The following PPTC7 variants were observed in gnomAD, a reference collection of about 807,000 sequenced individuals.
PPTC7 encodes protein phosphatase targeting COQ7, also known as protein phosphatase PTC7 homolog.
In PPTC7, 6 loss-of-function variants were observed where a neutral mutation model predicts 30.8. The observed-to-expected ratio is 0.19, with a 90% confidence interval of 0.11 to 0.38. The LOEUF (loss-of-function observed/expected upper bound fraction) is 0.38. PPTC7 is among the 10% of genes least tolerant of loss of function. The pLI, the probability that PPTC7 is intolerant of heterozygous loss-of-function variation, is 1.00. For missense variants in PPTC7, 218 were observed against 404.8 expected, an observed-to-expected ratio of 0.54 and a Z score of 3.96; for synonymous variants, 163 against 168.1, an observed-to-expected ratio of 0.97 and a Z score of 0.23.
At position 110,572,992 on chromosome 12, in the gene PPTC7, G is replaced by A. The variant is rs944944291; in HGVS notation, c.223+9817C>T. On this transcript the variant is annotated intron_variant, in intron 1 of 5. Transcript: ENST00000354300. ...CCTCCCGGGTTCAAGTGATTCTCCTGCCTCAACCACCAGAGTAGCTGGGAT... is the reference window on the plus strand; with the variant it reads ...CCTCCCGGGTTCAAGTGATTCTCCTACCTCAACCACCAGAGTAGCTGGGAT... Among the ~76,000 whole-genome samples the A allele has an allele frequency of 3.9e-5, 6 of 152,082 alleles. No homozygotes were observed. The East Asian group carries it at 9.6e-4, about 24-fold the overall frequency.
chr12:110,536,066 G>C lies in PPTC7; in HGVS notation c.*971C>G, dbSNP rs1165869255. ...AAGCAAGGCTACTAATAAAAGGTCT[G>C]AGAGTACGAGTATGGGTAGGTAGCA... On this transcript the variant is annotated 3_prime_UTR_variant, in exon 6 of 6. Transcript: ENST00000354300. The C allele has an allele frequency of 6.6e-6, 1 of 152,300 alleles. No homozygotes were observed. 9.4% of individuals were successfully genotyped at this position (152,300 alleles called of 1,614,324 possible). A position where few individuals can be genotyped will look rare whatever the true frequency, so the allele number is the denominator to read the frequency against.
At chr12:110,538,397 G>C in intron 4 of PPTC7, 124 bp from the exon 5 acceptor site, 1 of 900,480 alleles carries the variant, frequency 1.1e-6, no homozygotes, top group Non-Finnish European at 1.7e-6. Flanking sequence ...TCATGCCCTG[G>C]CTAATATGAA....
intron 1 of PPTC7, among the ~76,000 whole-genome samples, chr12:110,564,913 C>T (rs1456411581): frequency 1.4e-5 from 2 of 140,572 alleles, no homozygotes; most frequent in Non-Finnish European, 3.0e-5. Flanking sequence ...TCACTTTTGT[C>T]GTCCAGGATG....
chr12:110,565,562 T>G lies in PPTC7; in HGVS notation c.224-13594A>C, dbSNP rs566947246. Among the ~76,000 whole-genome samples the G allele has an allele frequency of 2.6e-5, 4 of 152,338 alleles. 1 individual carries two copies. The South Asian group carries it at 8.3e-4, about 32-fold the overall frequency. ...GAGCCACCGTGCCTGGCCCATACTTTCCAATTTTTTAGCAATGAGTAATGT... is the reference window on the plus strand; with the variant it reads ...GAGCCACCGTGCCTGGCCCATACTTGCCAATTTTTTAGCAATGAGTAATGT... On this transcript the variant is annotated intron_variant, in intron 1 of 5. Transcript: ENST00000354300.
chr12:110,567,724 A>G (rs1487385872), intron 1 of PPTC7, among the ~76,000 whole-genome samples: 1 of 152,194 alleles, frequency 6.6e-6, no homozygotes, highest in Non-Finnish European at 1.5e-5. Flanking sequence ...TGTTTTTTAC[A>G]ACACTGCAAT....
At position 110,537,072 on chromosome 12, in the gene PPTC7, C is replaced by T. The variant is rs755870434; in HGVS notation, c.880G>A (p.Val294Ile). ...VRGGKPDDIT[V>I]LLSIVAEYTD is the part of the protein sequence containing the mutation. ...TACTCAGCCACTATTGAAAGAAGGA[C>T]GGTGATGTCATCTGGCTTTCCACCT... is the stretch of plus-strand genomic sequence containing the variant. The change falls in exon 6 of 6, where the codon GTC (valine) becomes ATC (isoleucine). Residue 294 changes from valine to isoleucine, a missense_variant. By Grantham distance (29) the Val-to-Ile change is conservative. Coordinates refer to ENST00000354300, the MANE Select transcript of PPTC7 (RefSeq NM_139283.2). 36 of 1,612,536 alleles carry T rather than the reference C, an allele frequency of 2.2e-5. No individual in the cohort carries two copies. The highest frequency in any genetic ancestry group is 2.7e-5 in the Non-Finnish European group (32 of 1,178,798).
At chr12:110,578,410 C>A (rs2064607049) in intron 1 of PPTC7, among the ~76,000 whole-genome samples, 1 of 152,144 alleles carries the variant, frequency 6.6e-6, no homozygotes, top group Admixed American at 6.5e-5. Context: ...AGAGAAAGCA[C>A]CTTTGACAAT....
chr12:110,551,892 C>T lies in PPTC7; in HGVS notation c.300G>A (p.Thr100=), dbSNP rs140610982. ...PSQFSGTLMR[T]CERLVKEGRF... Reference sequence around the variant, plus strand: ...GTCCTTCTTTTACTAAACGTTCACACGTCCGCATTAAAGTCCCTGAGAATT... The same window carrying T: ...GTCCTTCTTTTACTAAACGTTCACATGTCCGCATTAAAGTCCCTGAGAATT... The change falls in exon 2 of 6, where the codon ACG becomes ACA. Residue 100 remains threonine (T), a synonymous_variant. Coordinates refer to ENST00000354300, the MANE Select transcript of PPTC7 (RefSeq NM_139283.2). 108 of 1,614,074 alleles carry T rather than the reference C, an allele frequency of 6.7e-5. No homozygotes were observed. The Middle Eastern group carries it at 8.2e-4, about 12-fold the overall frequency.
Position 110,583,076 on chromosome 12 carries a change from G to C in PPTC7, c.-45C>G. The C allele has an allele frequency of 7.5e-7, 1 of 1,326,728 alleles. No homozygotes were observed. Among genetic ancestry groups the C allele is most frequent in the Non-Finnish European group, 9.6e-7 (1 of 1,041,266 alleles). The allele number at this position is 1,326,728 out of a possible 1,614,324, so 82.2% of individuals were successfully genotyped here. On this transcript the variant is annotated 5_prime_UTR_variant, in exon 1 of 6. Coordinates refer to ENST00000354300, the MANE Select transcript of PPTC7 (RefSeq NM_139283.2). ...AGGAGGCGGGGGGCCGGGGGAGCAGGAGGACGCGGAGGCCCGGAGCCGGCT... is the reference window on the plus strand; with the variant it reads ...AGGAGGCGGGGGGCCGGGGGAGCAGCAGGACGCGGAGGCCCGGAGCCGGCT...
At chr12:110,553,682 G>A (rs889238660) in intron 1 of PPTC7, among the ~76,000 whole-genome samples, 2 of 152,132 alleles carry the variant, frequency 1.3e-5, no homozygotes, top group East Asian at 1.9e-4. Flanking sequence ...AGGAGGCTGA[G>A]GCGGGAGGAC....
rs773175554 is a variant in PPTC7, at chr12:110,536,267, A to G, written c.*770T>C. The G allele has an allele frequency of 2.6e-5, 4 of 152,214 alleles. No homozygotes were observed. Among genetic ancestry groups the G allele is most frequent in the Non-Finnish European group, 5.9e-5 (4 of 68,034 alleles). 9.4% of individuals were successfully genotyped at this position (152,214 alleles called of 1,614,324 possible). On this transcript the variant is annotated 3_prime_UTR_variant, in exon 6 of 6. Transcript: ENST00000354300. ...TTTTACAACCTTGAGTATTATTTCC[A>G]TAAAAAAATACTGGTAAAGTGTCTC...
In PPTC7 at chr12:110,551,828, T is replaced by C; in HGVS notation, c.364A>G (p.Ser122Gly). The change falls in exon 2 of 6, where the codon AGC becomes GGC. Residue 122 changes from serine to glycine, a missense_variant. Physicochemically the swap from Ser to Gly is moderately conservative, Grantham distance 56. Coordinates refer to ENST00000354300, the MANE Select transcript of PPTC7 (RefSeq NM_139283.2). ...TTATTTTGCAGCAACTCACAGTAGC[T>C]TGTGGTGAGAATTCCAATGGGATTA... Reference protein sequence around the residue: ...PSNPIGILTTSYCELLQNKVP... With the variant: ...PSNPIGILTTGYCELLQNKVP... 1 of 1,614,174 alleles carries C rather than the reference T, an allele frequency of 6.2e-7. No homozygotes were observed. Among genetic ancestry groups the C allele is most frequent in the Non-Finnish European group, 8.5e-7 (1 of 1,179,994 alleles).
At position 110,583,282 on chromosome 12, in the gene PPTC7, G is replaced by GGCCGCC. The variant is rs540176100; in HGVS notation, c.-257_-252dup. 26 of 155,740 alleles carry GGCCGCC rather than the reference G, an allele frequency of 1.7e-4. No homozygotes were observed. The highest frequency in any genetic ancestry group is 4.0e-4 in the Admixed American group (6 of 15,096). 9.6% of individuals were successfully genotyped at this position (155,740 alleles called of 1,614,324 possible). On this transcript the variant is annotated 5_prime_UTR_variant, in exon 1 of 6. Transcript: ENST00000354300. ...GCCCAACTGAAGTCCCGGCTGCAGC[G>GGCCGCC]GCCGCCGCCGCCGCCGCCATCTTCC...
chr12:110,542,847 C>A (rs2064272833), intron 3 of PPTC7, among the ~76,000 whole-genome samples: 1 of 151,294 alleles, frequency 6.6e-6, no homozygotes, highest in Non-Finnish European at 1.5e-5. Context: ...TTTTCTCTGA[C>A]AATGCCTGAT....
rs1319542730 is a variant in PPTC7, at chr12:110,534,904, G to A, written c.*2133C>T. 6.6e-6 allele frequency: 1 copy of A among 152,582 alleles called. No individual in the cohort carries two copies. Among genetic ancestry groups the A allele is most frequent in the African/African-American group, 2.4e-5 (1 of 41,420 alleles). 9.5% of individuals were successfully genotyped at this position (152,582 alleles called of 1,614,324 possible). A position where few individuals can be genotyped will look rare whatever the true frequency, so the allele number is the denominator to read the frequency against. ...AACTTGACGAGCACTGCTCTTACCAGGAATTAAATGTAGGCGTTGGAAAAT... is the reference window on the plus strand; with the variant it reads ...AACTTGACGAGCACTGCTCTTACCAAGAATTAAATGTAGGCGTTGGAAAAT... On this transcript the variant is annotated 3_prime_UTR_variant, in exon 6 of 6. Coordinates refer to ENST00000354300, the MANE Select transcript of PPTC7 (RefSeq NM_139283.2).
chr12:110,547,463 T>C (rs1260605257), intron 2 of PPTC7, among the ~76,000 whole-genome samples: 1 of 152,154 alleles, frequency 6.6e-6, no homozygotes, highest in African/African-American at 2.4e-5. Context: ...TTATAACAGA[T>C]AGTGTTGGCT....
intron 1 of PPTC7, among the ~76,000 whole-genome samples, chr12:110,557,140 G>A (rs1156659360): frequency 6.6e-6 from 1 of 152,162 alleles, no homozygotes; most frequent in Non-Finnish European, 1.5e-5. Flanking sequence ...TCTAACATGG[G>A]AGCCACTAGC....
intron 1 of PPTC7, among the ~76,000 whole-genome samples, chr12:110,581,799 T>C (rs2064639104): frequency 6.6e-6 from 1 of 152,182 alleles, no homozygotes; most frequent in Admixed American, 6.6e-5. Flanking sequence ...GCATATGAAA[T>C]TTAAAGTAAC....
intron 1 of PPTC7, among the ~76,000 whole-genome samples, chr12:110,560,359 C>T (rs764179103): frequency 8.0e-4 from 121 of 151,722 alleles, no homozygotes; most frequent in Middle Eastern, 6.8e-3. Flanking sequence ...TGTGATCACA[C>T]TACTTGCACT....
Sources: gnomAD v4.1 joint callset for allele counts (sites outside exome capture counted in the v4.1 genomes callset) on GRCh38, gnomAD v4.1.1 for gene constraint, MANE v1.5 for transcripts, NCBI Gene and HGNC (gene_info 2026-07-23, HGNC 2026-07-21) for gene names.